Variants in COL6A5 observed in about 807,000 individuals in gnomAD.
COL6A5 encodes collagen alpha-5(VI) chain.
A neutral mutation model predicts 65.6 loss-of-function variants in COL6A5; 48 were observed. That is an observed-to-expected ratio of 0.73 (90% CI 0.58 to 0.93). The LOEUF (loss-of-function observed/expected upper bound fraction) is 0.93, where lower values mean the gene tolerates loss of function less well. COL6A5 is among the 40% of genes least tolerant of loss of function. The probability of loss-of-function intolerance (pLI) is 0.00; values close to 1 mark genes in which losing one functional copy is unlikely to be tolerated. For synonymous variants in COL6A5, 291 were observed against 322.8 expected (o/e 0.90, Z 1.05); for missense variants, 914 against 928.3 (o/e 0.98, Z 0.20).
chr3:130,421,244 A>C (rs1937512032), intron 26 of COL6A5, 41 bp downstream of exon 26: 3 of 1,547,362 alleles, frequency 1.9e-6, no homozygotes, highest in Admixed American at 2.0e-5. Context: ...TTGATGAATC[A>C]AACTAAATAA....
Position 130,443,700 on chromosome 3 carries a change from C to T in COL6A5, c.1332+134C>T, listed in dbSNP as rs185256922. 8.0e-3 allele frequency: 3,991 copies of T among 501,890 alleles called. 23 individuals are homozygous for T. Among genetic ancestry groups the T allele is most frequent in the Non-Finnish European group, 9.2e-3 (2,586 of 280,168 alleles). 31.1% of individuals were successfully genotyped at this position (501,890 alleles called of 1,614,324 possible). A position where few individuals can be genotyped will look rare whatever the true frequency, so the allele number is the denominator to read the frequency against. ...TAGACATTTTATGTATTCCATTTTCCATAGCAGAAATTACATATCAAGTAT... is the reference window on the plus strand; with the variant it reads ...TAGACATTTTATGTATTCCATTTTCTATAGCAGAAATTACATATCAAGTAT... On this transcript the variant is annotated intron_variant, in intron 4 of 7. Transcript: ENST00000512836.
At chr3:130,346,805 G>A (rs899892927) in intron 1 of COL6A5, among the ~76,000 whole-genome samples, 7 of 152,184 alleles carry the variant, frequency 4.6e-5, no homozygotes, top group African/African-American at 1.7e-4. Flanking sequence ...AACTCAGGGT[G>A]TCAGGTTAGG....
intron 8 of COL6A5, among the ~76,000 whole-genome samples, 161 bp from the exon 9 acceptor site, chr3:130,397,422 G>GTA (rs1410913593): frequency 1.3e-5 from 2 of 152,036 alleles, no homozygotes; most frequent in Admixed American, 1.3e-4. Context: ...ATATGTATAT[G>GTA]TATATATATG....
chr3:130,445,464 A>G (rs1034618738), intron 4 of COL6A5, among the ~76,000 whole-genome samples: 1 of 152,186 alleles, frequency 6.6e-6, no homozygotes, highest in African/African-American at 2.4e-5. Context: ...GAGGCTTAAC[A>G]CAACTCTGTA....
chr3:130,454,920 C>T (rs1486092262), intron 4 of COL6A5, among the ~76,000 whole-genome samples: 1 of 152,054 alleles, frequency 6.6e-6, no homozygotes, highest in East Asian at 1.9e-4. Flanking sequence ...GAGGGAGGAT[C>T]ACTTGAGCCC....
intron 4 of COL6A5, among the ~76,000 whole-genome samples, chr3:130,445,594 C>G (rs921214059): frequency 6.6e-6 from 1 of 152,110 alleles, no homozygotes; most frequent in African/African-American, 2.4e-5. Flanking sequence ...TACTCGCAGT[C>G]CAGACATGGC....
intron 29 of COL6A5, among the ~76,000 whole-genome samples, chr3:130,424,433 C>T (rs994064522): frequency 6.6e-6 from 1 of 152,074 alleles, no homozygotes. Context: ...ATAGCCATCT[C>T]TCTATTTTAG....
chr3:130,438,125 G>A (rs1186638564), intron 1 of COL6A5, among the ~76,000 whole-genome samples: 1 of 152,082 alleles, frequency 6.6e-6, no homozygotes, highest in Non-Finnish European at 1.5e-5. Context: ...AGCCTCCTGA[G>A]TAGTTGGTAT....
chr3:130,389,152 C>A lies in COL6A5; in HGVS notation c.2416+18C>A. The A allele has an allele frequency of 7.2e-7, 1 of 1,389,102 alleles. No individual in the cohort carries two copies. Among genetic ancestry groups the A allele is most frequent in the South Asian group, 2.0e-5 (1 of 50,650 alleles). The allele number at this position is 1,389,102 out of a possible 1,614,324, so 86.0% of individuals were successfully genotyped here. ...TCTCCATGGTAAGTGTCCCTGTTAT[C>A]TGTCAGGACTAAAGGATGTGAGCTG... On this transcript the variant is annotated intron_variant and NMD_transcript_variant, in intron 6 of 41. Transcript: ENST00000312481.
chr3:130,449,769 G>A (rs1474961005), intron 4 of COL6A5, among the ~76,000 whole-genome samples: 2 of 152,132 alleles, frequency 1.3e-5, no homozygotes, highest in African/African-American at 4.8e-5. Flanking sequence ...GTATTAGGTA[G>A]TAAAAGCAAT....
chr3:130,452,349 A>G (rs1709462837), intron 4 of COL6A5, among the ~76,000 whole-genome samples: 1 of 43,188 alleles, frequency 2.3e-5, no homozygotes. Flanking sequence ...TTCACCCCTG[A>G]TATTCATGTA....
At chr3:130,399,822 A>T (rs145481585) in intron 10 of COL6A5, among the ~76,000 whole-genome samples, 3,582 of 151,028 alleles carry the variant, frequency 0.024, 143 homozygotes, top group African/African-American at 0.082. Flanking sequence ...ACACAATCTC[A>T]GCTCGCTGCA....
At chr3:130,379,606 A>G in exon 4 of COL6A5, 5 of 1,551,434 alleles carry the variant, frequency 3.2e-6, no homozygotes, top group Non-Finnish European at 4.4e-6. Flanking sequence ...TGCCAAGACT[A>G]TTTCTTTTCT....
chr3:130,365,300 C>G (rs1026246701), intron 1 of COL6A5, among the ~76,000 whole-genome samples: 1 of 149,908 alleles, frequency 6.7e-6, no homozygotes, highest in African/African-American at 2.4e-5. Flanking sequence ...TGTTTTGAGA[C>G]GGAGTCTCAC....
intron 22 of COL6A5, among the ~76,000 whole-genome samples, 159 bp downstream of exon 22, chr3:130,414,290 A>G (rs1308002161): frequency 5.3e-5 from 8 of 152,096 alleles, no homozygotes; most frequent in Non-Finnish European, 1.2e-4. Context: ...ATTCCATCAA[A>G]CTTGCTTCGT....
exon 5 of COL6A5, chr3:130,385,168 CACAG>C (rs1936139874): frequency 1.3e-6 from 2 of 1,551,002 alleles, no homozygotes; most frequent in South Asian, 1.2e-5. Flanking sequence ...ATGGGATGTC[CACAG>C]ACAGAGTCGT....
chr3:130,455,432 C>A (rs1197187438), intron 4 of COL6A5, 23 bp from the exon 37 acceptor site: 1 of 1,499,882 alleles, frequency 6.7e-7, no homozygotes, highest in East Asian at 2.3e-5. Flanking sequence ...TCTAGACTCA[C>A]CTAAAGTTTT....
intron 3 of COL6A5, among the ~76,000 whole-genome samples, chr3:130,442,244 A>G (rs183927059): frequency 1.3e-5 from 2 of 152,276 alleles, no homozygotes; most frequent in South Asian, 2.1e-4. Context: ...TAGTAAATAT[A>G]TCACTCCTGT....
At chr3:130,413,329 A>T (rs1181030973) in intron 20 of COL6A5, among the ~76,000 whole-genome samples, 3 of 151,832 alleles carry the variant, frequency 2.0e-5, no homozygotes, top group Admixed American at 6.6e-5. Context: ...CTGGGTCTGT[A>T]ATGACTTTTA....
Sources: gnomAD v4.1 joint callset for allele counts (sites outside exome capture counted in the v4.1 genomes callset) on GRCh38, gnomAD v4.1.1 for gene constraint, MANE v1.5 for transcripts, NCBI Gene and HGNC (gene_info 2026-07-23, HGNC 2026-07-21) for gene names.